The following SLF2 variants were observed in gnomAD, a reference collection of about 807,000 sequenced individuals.
SLF2 encodes SMC5-SMC6 complex localization factor protein 2.
A neutral mutation model predicts 124.3 loss-of-function variants in SLF2; 68 were observed. The observed-to-expected ratio is 0.55, with a 90% CI of 0.45 to 0.67. The LOEUF is 0.67. SLF2 is among the 30% of genes least tolerant of loss of function. The probability of loss-of-function intolerance (pLI) is 0.00; values close to 1 mark genes in which losing one functional copy is unlikely to be tolerated. For synonymous variants in SLF2, 480 were observed against 478.8 expected (o/e 1.00, Z -0.03); for missense variants, 1,246 against 1,373.7 (o/e 0.91, Z 1.47).
chr10:100,933,802 T>C (rs1234233879), intron 9 of SLF2, among the ~76,000 whole-genome samples: 2 of 152,024 alleles, frequency 1.3e-5, no homozygotes, highest in African/African-American at 2.4e-5. Context: ...GCTCAGCCTC[T>C]CAAGTAGCTG....
chr10:100,928,068 C>CAGAGAGAGAGAGA (rs1491324670), intron 6 of SLF2, among the ~76,000 whole-genome samples: 1 of 59,534 alleles, frequency 1.7e-5, no homozygotes, highest in African/African-American at 5.6e-5. Context: ...CACACACACA[C>CAGAGAGAGAGAGA]GAGAGAGAGA....
At chr10:100,942,667 C>T (rs562783443) in intron 11 of SLF2, among the ~76,000 whole-genome samples, 13 of 152,172 alleles carry the variant, frequency 8.5e-5, no homozygotes, top group South Asian at 2.1e-4. Context: ...TACAGGCACC[C>T]GCCACCACGC....
rs1850464880 is a variant in SLF2 at position 100,963,726 on chromosome 10, C to T, written c.*1814C>T. On this transcript the variant is annotated 3_prime_UTR_variant, in exon 20 of 20. Coordinates refer to ENST00000238961, the MANE Select transcript of SLF2 (RefSeq NM_018121.4). ...TACTGCTTATATTGCTTGTAATTTACAGTGTGTAAATATTTTCTAATTGTG... is the reference window on the plus strand; with the variant it reads ...TACTGCTTATATTGCTTGTAATTTATAGTGTGTAAATATTTTCTAATTGTG... 2 of 151,770 alleles carry T rather than the reference C, an allele frequency of 1.3e-5. No homozygotes were observed. Among genetic ancestry groups the T allele is most frequent in the South Asian group, 4.2e-4 (2 of 4,794 alleles). 9.4% of individuals were successfully genotyped at this position (151,770 alleles called of 1,614,324 possible). A position where few individuals can be genotyped will look rare whatever the true frequency, so the allele number is the denominator to read the frequency against.
intron 5 of SLF2, among the ~76,000 whole-genome samples, chr10:100,925,651 A>G (rs1362285774): frequency 6.6e-6 from 1 of 152,214 alleles, no homozygotes; most frequent in Admixed American, 6.5e-5. Flanking sequence ...TTCTACTAAA[A>G]TAGAATTTAA....
At chr10:100,913,300 T>C (rs1167654747) in intron 1 of SLF2, 50 bp downstream of exon 1, 2 of 1,476,512 alleles carry the variant, frequency 1.4e-6, no homozygotes, top group South Asian at 1.3e-5. Context: ...GGCAAGGGTA[T>C]GAGGGGAGGG....
intron 4 of SLF2, among the ~76,000 whole-genome samples, chr10:100,920,102 A>T (rs1315239037): frequency 6.6e-6 from 1 of 152,228 alleles, no homozygotes; most frequent in Non-Finnish European, 1.5e-5. Context: ...ACCAAATTTT[A>T]GTGAATTTTG....
Position 100,956,496 on chromosome 10 carries a change from T to C in SLF2, c.3376T>C (p.Cys1126Arg). ...TGGGGCTTTGGAAAAGCATGTTAAA[T>C]GTGATATTAGGGAAGATGCAAGACT... is the stretch of plus-strand genomic sequence containing the variant. ...LCGALEKHVKCDIREDARLFY... is the reference protein window; with the variant it reads ...LCGALEKHVKRDIREDARLFY... The change falls in exon 18 of 20, where the codon TGT (cysteine) becomes CGT (arginine). Residue 1126 changes from cysteine (C) to arginine (R), a missense_variant. Transcript: ENST00000238961. The C allele has an allele frequency of 6.2e-7, 1 of 1,613,580 alleles. No individual in the cohort carries two copies. The highest frequency in any genetic ancestry group is 8.5e-7 in the Non-Finnish European group (1 of 1,179,846).
intron 2 of SLF2, 68 bp downstream of exon 2, chr10:100,916,110 TA>T: frequency 1.7e-6 from 2 of 1,211,982 alleles, no homozygotes; most frequent in Non-Finnish European, 2.4e-6. Context: ...GATTCAACTT[TA>T]AAACCTACTC....
chr10:100,941,305 G>T (rs1270013739), intron 11 of SLF2, among the ~76,000 whole-genome samples: 1 of 152,086 alleles, frequency 6.6e-6, no homozygotes, highest in Non-Finnish European at 1.5e-5. Flanking sequence ...GATATTAAGG[G>T]ATACTAGTAC....
At chr10:100,948,888 A>C (rs1485187771) in intron 15 of SLF2, among the ~76,000 whole-genome samples, 3 of 152,208 alleles carry the variant, frequency 2.0e-5, no homozygotes, top group African/African-American at 7.2e-5. Context: ...TCTGTCTCAA[A>C]AAAAAGCCCC....
chr10:100,924,697 A>T lies in SLF2; in HGVS notation c.1696A>T (p.Ile566Phe). ...PPAALEVVPC[I>F]PSPAAPSDKA... Reference sequence around the variant, plus strand: ...TGCTGCTTTGGAAGTTGTGCCATGTATCCCAAGCCCTGCAGCACCTTCAGA... The same window carrying T: ...TGCTGCTTTGGAAGTTGTGCCATGTTTCCCAAGCCCTGCAGCACCTTCAGA... The change falls in exon 5 of 20, where the codon ATC becomes TTC. Residue 566 changes from isoleucine (I) to phenylalanine (F), a missense_variant. This residue lies in a region of SLF2 where 698 missense variants were observed against 708.9 expected (regional missense o/e 0.98). Transcript: ENST00000238961. 1 of 1,614,170 alleles carries T rather than the reference A, an allele frequency of 6.2e-7. No individual in the cohort carries two copies. Among genetic ancestry groups the T allele is most frequent in the Non-Finnish European group, 8.5e-7 (1 of 1,180,038 alleles).
At chr10:100,940,820 C>CCCCTTCCTTCCTTCCTTCCTTCCTTCCT (rs1554879648) in intron 11 of SLF2, among the ~76,000 whole-genome samples, 1 of 101,066 alleles carries the variant, frequency 9.9e-6, no homozygotes. Context: ...CCTGCCCCTT[C>CCCCTTCCTTCCTTCCTTCCTTCCTTCCT]TCCTTCCTTC....
chr10:100,913,434 CTG>C, intron 1 of SLF2, 184 bp downstream of exon 1: 2 of 1,332,768 alleles, frequency 1.5e-6, no homozygotes, highest in Non-Finnish European at 1.9e-6. Context: ...GTTTGCTTCT[CTG>C]TAGTTGGGCA....
At chr10:100,926,076 T>A (rs773931029) in intron 6 of SLF2, 57 bp downstream of exon 6, 14 of 1,613,942 alleles carry the variant, frequency 8.7e-6, no homozygotes, top group Non-Finnish European at 1.2e-5. Context: ...TTTGTGTGGC[T>A]TACTTTTAAT....
At chr10:100,935,309 C>T (rs1849823559) in intron 9 of SLF2, among the ~76,000 whole-genome samples, 2 of 151,962 alleles carry the variant, frequency 1.3e-5, no homozygotes, top group South Asian at 2.1e-4. Flanking sequence ...GCAGGAGAAT[C>T]GCTTGAACCT....
At chr10:100,926,327 A>G in intron 6 of SLF2, 1 of 1,420,380 alleles carries the variant, frequency 7.0e-7, no homozygotes, top group Non-Finnish European at 9.2e-7. Flanking sequence ...AAAAGAGGCC[A>G]GGTGTGATGG....
In SLF2 at chr10:100,947,927, A is replaced by G. The variant is rs971721864; in HGVS notation, c.3120+80A>G. 4 of 1,030,294 alleles carry G rather than the reference A, an allele frequency of 3.9e-6. No individual in the cohort carries two copies. In the African/African-American group the frequency reaches 4.8e-5, roughly 12 times the overall value. The allele number at this position is 1,030,294 out of a possible 1,614,324, so 63.8% of individuals were successfully genotyped here. A position where few individuals can be genotyped will look rare whatever the true frequency, so the allele number is the denominator to read the frequency against. On this transcript the variant is annotated intron_variant, in intron 15 of 19. Coordinates refer to ENST00000238961, the MANE Select transcript of SLF2 (RefSeq NM_018121.4). ...AAGGAAAATTGATGAACCCTAAGTCAAAGGTCCTGGGGTCAGAGCTCAGCT... is the reference window on the plus strand; with the variant it reads ...AAGGAAAATTGATGAACCCTAAGTCGAAGGTCCTGGGGTCAGAGCTCAGCT...
intron 3 of SLF2, 69 bp from the exon 4 acceptor site, chr10:100,918,315 T>C: frequency 1.0e-6 from 1 of 980,122 alleles, no homozygotes; most frequent in Non-Finnish European, 1.5e-6. Context: ...GTTTAAATGT[T>C]AGGAAGAATG....
chr10:100,950,469 C>T (rs559941801), intron 16 of SLF2, among the ~76,000 whole-genome samples: 45 of 152,242 alleles, frequency 3.0e-4, no homozygotes, highest in African/African-American at 1.0e-3. Context: ...TTAGGGCAGT[C>T]GTGAGGTCAT....
Sources: allele counts gnomAD v4.1 joint callset (sites outside exome capture counted in the v4.1 genomes callset), GRCh38; gene constraint gnomAD v4.1.1; regional missense constraint gnomAD v4.1.1; transcripts MANE v1.5; gene names NCBI Gene and HGNC (gene_info 2026-07-23, HGNC 2026-07-21).